Variants in TSGA13 observed in about 807,000 individuals in gnomAD.
TSGA13 encodes testis specific 13.
A neutral mutation model predicts 35.1 loss-of-function variants in TSGA13; 37 were observed. The ratio of observed to expected loss-of-function variants is 1.05; its 90% confidence interval spans 0.81 to 1.39. TSGA13 has a LOEUF of 1.39. Ranked by LOEUF, TSGA13 falls within the 40% of genes most tolerant of loss-of-function variation. The pLI, the probability that TSGA13 is intolerant of heterozygous loss-of-function variation, is 0.00. For synonymous variants in TSGA13, 124 were observed against 121.2 expected, an observed-to-expected ratio of 1.02 and a Z score of -0.15; for missense variants, 338 against 328.5, an observed-to-expected ratio of 1.03 and a Z score of -0.22.
At chr7:130,680,024 C>G (rs556045247) in intron 4 of TSGA13, among the ~76,000 whole-genome samples, 8 of 152,302 alleles carry the variant, frequency 5.3e-5, no homozygotes, top group Admixed American at 2.0e-4. Flanking sequence ...GGCCTTGTCT[C>G]TACAACTCTC....
intron 3 of TSGA13, among the ~76,000 whole-genome samples, chr7:130,682,936 A>G (rs1796582485): frequency 6.6e-6 from 1 of 152,222 alleles, no homozygotes; most frequent in Non-Finnish European, 1.5e-5. Context: ...GAAATATGAA[A>G]AACCTGCTTC....
At position 130,669,023 on chromosome 7, in the gene TSGA13, G is replaced by T. The variant is rs781887938; in HGVS notation, c.819C>A (p.Val273=). Residue 273 remains valine (V), a synonymous_variant, in exon 8 of 8, where the codon GTC becomes GTA. Coordinates refer to ENST00000356588, the MANE Select transcript of TSGA13 (RefSeq NM_052933.4). ...APQWIIKKAT[V]IG Reference sequence around the variant, plus strand: ...ACTGAGGGGTCTGTGTTCACCCGATGACCGTGGCCTTTTTGATAATCCACT... The same window carrying T: ...ACTGAGGGGTCTGTGTTCACCCGATTACCGTGGCCTTTTTGATAATCCACT... The T allele has an allele frequency of 2.4e-5, 39 of 1,614,022 alleles. No individual in the cohort carries two copies. Among genetic ancestry groups the T allele is most frequent in the Non-Finnish European group, 3.3e-5 (39 of 1,180,050 alleles).
intron 5 of TSGA13, among the ~76,000 whole-genome samples, chr7:130,677,782 C>G (rs768549499): frequency 2.2e-4 from 34 of 152,166 alleles, no homozygotes; most frequent in Non-Finnish European, 4.4e-4. Flanking sequence ...TGTCTTCATG[C>G]TTTTGCTCTT....
At position 130,685,370 on chromosome 7, in the gene TSGA13, A is replaced by G; in HGVS notation, c.-150-10T>C. ...TGCCCCATTCTTGAGCCTGTATGGG[A>G]AACAAGAAAAGACTGATAGGTGCTA... On this transcript the variant is annotated splice_polypyrimidine_tract_variant and intron_variant, in intron 1 of 7. Transcript: ENST00000356588. 1.4e-6 allele frequency: 2 copies of G among 1,431,274 alleles called. No individual in the cohort carries two copies. The highest frequency in any genetic ancestry group is 4.9e-5 in the East Asian group (2 of 40,802). The allele number at this position is 1,431,274 out of a possible 1,614,324, so 88.7% of individuals were successfully genotyped here.
chr7:130,682,676 A>G (rs1248963890), intron 3 of TSGA13, among the ~76,000 whole-genome samples: 2 of 152,214 alleles, frequency 1.3e-5, no homozygotes, highest in African/African-American at 4.8e-5. Flanking sequence ...CTAATGGAGA[A>G]GAGGGAAGCA....
chr7:130,671,084 A>G (rs2116295850), intron 7 of TSGA13, among the ~76,000 whole-genome samples: 1 of 152,216 alleles, frequency 6.6e-6, no homozygotes, highest in East Asian at 1.9e-4. Context: ...ACCTTATTCC[A>G]AGCCCCTTCT....
intron 5 of TSGA13, among the ~76,000 whole-genome samples, chr7:130,676,269 C>G (rs1563079393): frequency 6.6e-6 from 1 of 152,196 alleles, no homozygotes; most frequent in South Asian, 2.1e-4. Context: ...TCTTCTTGGG[C>G]TTGTTCCAGT....
At position 130,671,684 on chromosome 7, in the gene TSGA13, T is replaced by G; in HGVS notation, c.635A>C (p.His212Pro). ...MYPQLTFAPV[H>P]ERDMRKDASK... ...ACCATCTTTCCTCATATCTCTCTCATGGACTGGAGCAAAGGTGAGCTGAGG... is the reference window on the plus strand; with the variant it reads ...ACCATCTTTCCTCATATCTCTCTCAGGGACTGGAGCAAAGGTGAGCTGAGG... Residue 212 changes from histidine to proline, a missense_variant, in exon 7 of 8, where the codon CAT becomes CCT. Transcript: ENST00000356588. 6.2e-7 allele frequency: 1 copy of G among 1,602,866 alleles called. No individual in the cohort carries two copies. Among genetic ancestry groups the G allele is most frequent in the Non-Finnish European group, 8.5e-7 (1 of 1,172,958 alleles).
chr7:130,685,017 C>CTCTAGTTGTTG (rs1213900246), intron 2 of TSGA13, among the ~76,000 whole-genome samples, 171 bp downstream of exon 2: 119 of 152,256 alleles, frequency 7.8e-4, no homozygotes, highest in African/African-American at 2.8e-3. Context: ...ACAAAAGCAA[C>CTCTAGTTGTTG]CATGAAATAC....
chr7:130,683,811 A>G, intron 2 of TSGA13, 139 bp from the exon 3 acceptor site: 1 of 644,488 alleles, frequency 1.6e-6, no homozygotes, highest in South Asian at 2.0e-5. Context: ...GTAATTGACT[A>G]AGTAGCAAAA....
intron 7 of TSGA13, among the ~76,000 whole-genome samples, chr7:130,670,702 C>G (rs1796246412): frequency 6.6e-6 from 1 of 152,180 alleles, no homozygotes; most frequent in South Asian, 2.1e-4. Flanking sequence ...TAACTGCAAC[C>G]TTGAACTCCT....
chr7:130,668,908 G>A lies in TSGA13; in HGVS notation c.*106C>T. ...GCTCGACCCTCCCGGCTTGCGACCC[G>A]GGAGCCCACGCCCGCAGCAGCAGGA... is the stretch of plus-strand genomic sequence containing the variant. On this transcript the variant is annotated 3_prime_UTR_variant, in exon 8 of 8. Coordinates refer to ENST00000356588, the MANE Select transcript of TSGA13 (RefSeq NM_052933.4). 1.4e-6 allele frequency: 2 copies of A among 1,478,914 alleles called. No homozygotes were observed. The highest frequency in any genetic ancestry group is 1.4e-5 in the South Asian group (1 of 73,864). The allele number at this position is 1,478,914 out of a possible 1,614,324, so 91.6% of individuals were successfully genotyped here.
In TSGA13 at chr7:130,681,115, C is replaced by G. The variant is rs1198229710; in HGVS notation, c.103-98G>C. ...CTTAGTCTCACTGGAGAACTGGTCT[C>G]TAACTTACACTAAGTAAGTTAGAGA... is the stretch of plus-strand genomic sequence containing the variant. On this transcript the variant is annotated intron_variant, in intron 3 of 7. Transcript: ENST00000356588. 7.3e-6 allele frequency: 7 copies of G among 964,734 alleles called. No homozygotes were observed. The East Asian group carries it at 1.2e-4, about 17-fold the overall frequency. 59.8% of individuals were successfully genotyped at this position (964,734 alleles called of 1,614,324 possible).
intron 5 of TSGA13, among the ~76,000 whole-genome samples, chr7:130,676,195 A>G (rs909401680): frequency 2.4e-4 from 36 of 152,376 alleles, no homozygotes; most frequent in African/African-American, 8.7e-4. Flanking sequence ...ACATTTGTCC[A>G]GCAAGGGAAG....
intron 2 of TSGA13, 94 bp from the exon 3 acceptor site, chr7:130,683,766 T>C (rs1796599699): frequency 1.7e-6 from 2 of 1,148,222 alleles, no homozygotes; most frequent in East Asian, 4.8e-5. Context: ...TTTGGAAGCC[T>C]AACTCAGACA....
intron 5 of TSGA13, among the ~76,000 whole-genome samples, chr7:130,675,559 A>C (rs1796393513): frequency 6.6e-6 from 1 of 152,054 alleles, no homozygotes; most frequent in Admixed American, 6.6e-5. Context: ...AATTTTTTGT[A>C]TTTTTAGTAG....
Position 130,671,735 on chromosome 7 carries a change from G to A in TSGA13, c.584C>T (p.Ala195Val). 1.9e-6 allele frequency: 3 copies of A among 1,609,688 alleles called. No individual in the cohort carries two copies. The highest frequency in any genetic ancestry group is 1.7e-5 in the Admixed American group (1 of 59,920). ...KSEGKYSKVYALRTQKKMYPQ... is the reference protein window; with the variant it reads ...KSEGKYSKVYVLRTQKKMYPQ... The stretch of plus-strand genomic sequence containing the variant: ...GTACATTTTCTTCTGTGTCCTCAAA[G>A]CGTAGACTTTTGAATACTTCCCTTC... Residue 195 changes from alanine (A) to valine (V), a missense_variant, in exon 7 of 8, where the codon GCT (alanine) becomes GTT (valine). Ala to Val is a moderately conservative substitution (Grantham distance 64). Transcript: ENST00000356588.
In TSGA13 at chr7:130,668,959, T is replaced by G. The variant is rs1287482367; in HGVS notation, c.*55A>C. On this transcript the variant is annotated 3_prime_UTR_variant, in exon 8 of 8. Coordinates refer to ENST00000356588, the MANE Select transcript of TSGA13 (RefSeq NM_052933.4). ...ATGTGGTTTTATTTGGGTGGCGACT[T>G]CTGCGGACCCCTCAGTCTCAAGAGA... is the stretch of plus-strand genomic sequence containing the variant. 2.5e-6 allele frequency: 4 copies of G among 1,569,700 alleles called. No homozygotes were observed. Among genetic ancestry groups the G allele is most frequent in the Non-Finnish European group, 3.5e-6 (4 of 1,156,784 alleles).
intron 5 of TSGA13, among the ~76,000 whole-genome samples, chr7:130,676,988 G>A (rs1347290325): frequency 2.0e-5 from 3 of 151,182 alleles, no homozygotes; most frequent in African/African-American, 4.9e-5. Flanking sequence ...CGCCTCCCAC[G>A]TTCACTCCAT....
Sources: allele counts gnomAD v4.1 joint callset (sites outside exome capture counted in the v4.1 genomes callset), GRCh38; gene constraint gnomAD v4.1.1; transcripts MANE v1.5; gene names NCBI Gene and HGNC (gene_info 2026-07-23, HGNC 2026-07-21).